Variants in ADGRB3 observed in about 807,000 individuals in gnomAD.
ADGRB3 encodes adhesion G protein-coupled receptor B3.
ADGRB3 carries 37 observed loss-of-function variants against 193.4 expected under a neutral mutation model. The ratio of observed to expected loss-of-function variants is 0.19; its 90% CI spans 0.15 to 0.25. The LOEUF (loss-of-function observed/expected upper bound fraction) is 0.25. ADGRB3 is among the 10% of genes least tolerant of loss of function. The pLI, the probability that ADGRB3 is intolerant of heterozygous loss-of-function variation, is 1.00. For synonymous variants in ADGRB3, 690 were observed against 644.2 expected (o/e 1.07, Z -1.08); for missense variants, 1,637 against 1,852.9 (o/e 0.88, Z 2.14).
At chr6:68,665,388 A>T (rs959365981) in intron 3 of ADGRB3, among the ~76,000 whole-genome samples, 1 of 151,862 alleles carries the variant, frequency 6.6e-6, no homozygotes, top group African/African-American at 2.4e-5. Context: ...GATAAAAAAG[A>T]TGCTAATTCT....
intron 24 of ADGRB3, among the ~76,000 whole-genome samples, chr6:69,333,546 AAG>A (rs1356547051): frequency 6.6e-6 from 1 of 152,100 alleles, no homozygotes; most frequent in African/African-American, 2.4e-5. Flanking sequence ...ACTGGCTAAA[AAG>A]AGTTATTCAT....
intron 3 of ADGRB3, among the ~76,000 whole-genome samples, chr6:68,814,644 G>C (rs1005739313): frequency 1.5e-4 from 23 of 152,086 alleles, no homozygotes; most frequent in African/African-American, 5.3e-4. Flanking sequence ...CCTGAGGCCA[G>C]CAACATTCTG....
At chr6:68,958,870 AGT>A (rs66559521) in intron 8 of ADGRB3, among the ~76,000 whole-genome samples, 5,549 of 147,082 alleles carry the variant, frequency 0.038, 201 homozygotes, top group African/African-American at 0.099. Context: ...AAAGAAAAAT[AGT>A]GTGTGTGTGT....
intron 17 of ADGRB3, among the ~76,000 whole-genome samples, chr6:69,099,180 C>G (rs1215372265): frequency 6.6e-6 from 1 of 152,164 alleles, no homozygotes; most frequent in Non-Finnish European, 1.5e-5. Context: ...TGCTATCTAA[C>G]CTACAATGTG....
chr6:68,825,365 T>C (rs1767823526), intron 3 of ADGRB3, among the ~76,000 whole-genome samples: 1 of 152,186 alleles, frequency 6.6e-6, no homozygotes, highest in South Asian at 2.1e-4. Context: ...AACTCACAGG[T>C]ACCCAAGAAC....
chr6:68,998,736 A>G (rs1769468151), intron 11 of ADGRB3, among the ~76,000 whole-genome samples: 1 of 152,242 alleles, frequency 6.6e-6, no homozygotes. Context: ...AATTTATGAC[A>G]TTATCACCAT....
chr6:69,337,719 G>A (rs1768883692), intron 24 of ADGRB3, among the ~76,000 whole-genome samples: 2 of 152,210 alleles, frequency 1.3e-5, no homozygotes, highest in African/African-American at 2.4e-5. Flanking sequence ...CACAGGATCT[G>A]CTGATCAATC....
intron 3 of ADGRB3, among the ~76,000 whole-genome samples, chr6:68,718,596 A>T (rs1765523797): frequency 6.6e-6 from 1 of 151,692 alleles, no homozygotes; most frequent in Non-Finnish European, 1.5e-5. Flanking sequence ...TATTGAGGTC[A>T]TATTCATTTC....
At chr6:68,891,355 A>G (rs1766072165) in intron 3 of ADGRB3, among the ~76,000 whole-genome samples, 1 of 152,148 alleles carries the variant, frequency 6.6e-6, no homozygotes, top group Non-Finnish European at 1.5e-5. Flanking sequence ...ATCCAACATT[A>G]TTTTATCATA....
intron 3 of ADGRB3, among the ~76,000 whole-genome samples, chr6:68,758,855 C>A (rs1211660948): frequency 6.6e-6 from 1 of 152,136 alleles, no homozygotes; most frequent in Non-Finnish European, 1.5e-5. Flanking sequence ...ATCCTAAAAA[C>A]TGCTTTAGGA....
At chr6:69,179,213 A>G (rs1326074335) in intron 17 of ADGRB3, among the ~76,000 whole-genome samples, 1 of 151,970 alleles carries the variant, frequency 6.6e-6, no homozygotes, top group South Asian at 2.1e-4. Context: ...TTTTTATCTG[A>G]CTGGTTTAGT....
intron 17 of ADGRB3, among the ~76,000 whole-genome samples, chr6:69,199,987 A>G (rs1765386810): frequency 6.6e-6 from 1 of 152,152 alleles, no homozygotes; most frequent in African/African-American, 2.4e-5. Flanking sequence ...AAGGTTTAAG[A>G]TGAAAAAGCA....
chr6:69,326,361 C>T (rs1233144136), intron 21 of ADGRB3, among the ~76,000 whole-genome samples: 1 of 152,018 alleles, frequency 6.6e-6, no homozygotes, highest in East Asian at 1.9e-4. Flanking sequence ...GACACTTTTG[C>T]CATGAATTAG....
At chr6:69,379,983 G>A (rs561820016) in intron 30 of ADGRB3, among the ~76,000 whole-genome samples, 15 of 151,936 alleles carry the variant, frequency 9.9e-5, no homozygotes, top group South Asian at 2.1e-4. Context: ...TTTTAGTTAC[G>A]TAATATTGGT....
chr6:68,789,428 A>G (rs372270897), intron 3 of ADGRB3, among the ~76,000 whole-genome samples: 3,503 of 152,106 alleles, frequency 0.023, 67 homozygotes, highest in South Asian at 0.075. Context: ...TAGTTTGGCT[A>G]GATATGAAAT....
chr6:68,818,989 T>C (rs1237549454), intron 3 of ADGRB3, among the ~76,000 whole-genome samples: 4 of 152,140 alleles, frequency 2.6e-5, no homozygotes, highest in African/African-American at 9.7e-5. Context: ...CAGATGCTTC[T>C]TTAACTTGAA....
intron 3 of ADGRB3, among the ~76,000 whole-genome samples, chr6:68,868,951 G>GTGTGTGTGTT (rs781022363): frequency 0.01 from 1,518 of 150,354 alleles, 22 homozygotes; most frequent in African/African-American, 0.02. Context: ...GAGTGTGTGT[G>GTGTGTGTGTT]TTTAAACTTA....
At chr6:69,297,408 C>CTATA (rs1285722019) in intron 20 of ADGRB3, among the ~76,000 whole-genome samples, 1,998 of 141,496 alleles carry the variant, frequency 0.014, 19 homozygotes, top group Middle Eastern at 0.048. Context: ...CTCTCTCTCT[C>CTATA]TCTATATATA....
At chr6:69,094,799 T>C (rs951942171) in intron 17 of ADGRB3, among the ~76,000 whole-genome samples, 2 of 152,188 alleles carry the variant, frequency 1.3e-5, no homozygotes, top group Non-Finnish European at 2.9e-5. Flanking sequence ...CCTTCCCATA[T>C]GCAAAGATAC....
Sources: allele counts gnomAD v4.1 joint callset (sites outside exome capture counted in the v4.1 genomes callset), GRCh38; gene constraint gnomAD v4.1.1; transcripts MANE v1.5; gene names NCBI Gene and HGNC (gene_info 2026-07-23, HGNC 2026-07-21).